FRMPD2: variants seen among roughly 807,000 people sequenced by gnomAD.
FRMPD2 encodes FERM and PDZ domain containing 2, also known as FERM and PDZ domain-containing protein 2.
A neutral mutation model predicts 140.1 loss-of-function variants in FRMPD2; 96 were observed. The observed-to-expected ratio is 0.69, with a 90% CI of 0.58 to 0.81. FRMPD2 has a LOEUF of 0.81. Ranked by LOEUF, FRMPD2 falls within the 40% of genes least tolerant of loss-of-function variation. FRMPD2 has a pLI of 0.00. For missense variants in FRMPD2, 1,240 were observed against 1,447.4 expected, an observed-to-expected ratio of 0.86 and a Z score of 2.32; for synonymous variants, 449 against 547.6, an observed-to-expected ratio of 0.82 and a Z score of 2.52.
chr10:48,232,430 T>C, intron 9 of FRMPD2, 141 bp from the exon 10 acceptor site: 2 of 651,580 alleles, frequency 3.1e-6, no homozygotes, highest in Non-Finnish European at 5.1e-6. Context: ...TTACAATTCC[T>C]ATGCAGCAGA....
Position 48,238,032 on chromosome 10 carries a change from T to C in FRMPD2, c.880A>G (p.Thr294Ala), listed in dbSNP as rs745969638. 4 of 1,614,190 alleles carry C rather than the reference T, an allele frequency of 2.5e-6. No individual in the cohort carries two copies. The Admixed American group carries it at 5.0e-5, about 20-fold the overall frequency. The change falls in exon 8 of 29, where the codon ACA becomes GCA. Residue 294 changes from threonine to alanine, a missense_variant. Physicochemically the swap from Thr to Ala is moderately conservative, Grantham distance 58. Around this residue, in one of 6 missense-constraint regions of FRMPD2, gnomAD observed 1,161 missense variants for 1,055.9 expected, o/e 1.10. Transcript: ENST00000374201. ...VHSAADSSWP[T>A]TPSQRGFLQR... ...AGAAAACCCCTCTGAGAAGGAGTTG[T>C]TGGCCATGAGCTGTCTGCTGCCGAG...
intron 12 of FRMPD2, among the ~76,000 whole-genome samples, chr10:48,219,382 G>T (rs1336522064): frequency 6.6e-6 from 1 of 152,088 alleles, no homozygotes; most frequent in South Asian, 2.1e-4. Flanking sequence ...CCAGCATGCT[G>T]GCTGGGAGGT....
chr10:48,202,959 C>A, intron 14 of FRMPD2, among the ~76,000 whole-genome samples: 1 of 152,004 alleles, frequency 6.6e-6, no homozygotes, highest in East Asian at 1.9e-4. Context: ...CACCACCATA[C>A]CCAGCTAATT....
intron 14 of FRMPD2, among the ~76,000 whole-genome samples, chr10:48,204,364 G>A (rs891859662): frequency 2.0e-5 from 3 of 152,102 alleles, no homozygotes; most frequent in African/African-American, 7.2e-5. Flanking sequence ...AAATAACTCT[G>A]TTGCAGCACT....
Position 48,236,494 on chromosome 10 carries a change from C to T in FRMPD2, c.981G>A (p.Pro327=), listed in dbSNP as rs148563650. Residue 327 remains proline (P), a synonymous_variant, in exon 9 of 29, where the codon CCG becomes CCA. Coordinates refer to ENST00000374201, the MANE Select transcript of FRMPD2 (RefSeq NM_001018071.4). ...AGEAPMTLHL[P]GSVVTKKGKS... ...GCCCAGTAGTTACCACAACCGATCC[C>T]GGCAGATGTAGTGTCATCGGGGCCT... The T allele has an allele frequency of 4.8e-5, 77 of 1,614,150 alleles. No individual in the cohort carries two copies. The African/African-American group carries it at 7.6e-4, about 16-fold the overall frequency.
At chr10:48,228,831 G>T (rs373171385) in intron 10 of FRMPD2, among the ~76,000 whole-genome samples, 2 of 152,122 alleles carry the variant, frequency 1.3e-5, no homozygotes, top group African/African-American at 4.8e-5. Flanking sequence ...TTGGAGGCTA[G>T]TTGAGGATTG....
intron 4 of FRMPD2, 132 bp downstream of exon 4, chr10:48,244,652 C>A: frequency 1.5e-6 from 1 of 678,112 alleles, no homozygotes; most frequent in South Asian, 1.7e-5. Context: ...GTTCTCAACG[C>A]CTGCCTAGGA....
At chr10:48,229,875 G>C (rs1005583205) in intron 10 of FRMPD2, among the ~76,000 whole-genome samples, 2 of 152,064 alleles carry the variant, frequency 1.3e-5, no homozygotes, top group Non-Finnish European at 2.9e-5. Context: ...CTTCAAGGAG[G>C]TTCACAGAAA....
intron 13 of FRMPD2, among the ~76,000 whole-genome samples, chr10:48,207,931 C>T (rs906222322): frequency 1.3e-5 from 2 of 152,170 alleles, no homozygotes; most frequent in Admixed American, 1.3e-4. Context: ...TGATGAAGTC[C>T]ATGCAGACAG....
At chr10:48,204,903 T>C (rs938364493) in intron 14 of FRMPD2, among the ~76,000 whole-genome samples, 6 of 152,226 alleles carry the variant, frequency 3.9e-5, no homozygotes, top group African/African-American at 1.4e-4. Flanking sequence ...AAACCACACA[T>C]GGACGCCAAC....
chr10:48,186,292 A>G (rs1396119260), intron 17 of FRMPD2, among the ~76,000 whole-genome samples: 1 of 152,184 alleles, frequency 6.6e-6, no homozygotes, highest in Non-Finnish European at 1.5e-5. Flanking sequence ...TCCCTCCCCC[A>G]GGGACCTTGG....
chr10:48,184,442 C>A, intron 20 of FRMPD2, 124 bp downstream of exon 20: 1 of 648,062 alleles, frequency 1.5e-6, no homozygotes, highest in Non-Finnish European at 2.7e-6. Context: ...CTTTGCAAGC[C>A]AACACCATGA....
intron 28 of FRMPD2, among the ~76,000 whole-genome samples, chr10:48,160,371 C>A (rs1837903533): frequency 1.3e-5 from 2 of 151,422 alleles, no homozygotes; most frequent in Non-Finnish European, 2.9e-5. Flanking sequence ...GAAGTTGCCA[C>A]CTGGCAGATG....
chr10:48,268,055 A>C (rs765671792), intron 1 of FRMPD2, among the ~76,000 whole-genome samples: 15 of 152,246 alleles, frequency 9.9e-5, no homozygotes, highest in Non-Finnish European at 2.2e-4. Context: ...CAAACAATCC[A>C]ATTAGAAAAA....
intron 10 of FRMPD2, among the ~76,000 whole-genome samples, chr10:48,227,489 C>T (rs1839750121): frequency 6.6e-6 from 1 of 152,184 alleles, no homozygotes; most frequent in African/African-American, 2.4e-5. Context: ...TTGTTTCAAC[C>T]TCCACTACCT....
chr10:48,236,766 A>G (rs999148124), intron 8 of FRMPD2, among the ~76,000 whole-genome samples: 3 of 152,232 alleles, frequency 2.0e-5, no homozygotes, highest in African/African-American at 7.2e-5. Flanking sequence ...GGGTATCAGC[A>G]ACATTCTGGC....
chr10:48,228,492 TG>T (rs1839775351), intron 10 of FRMPD2, among the ~76,000 whole-genome samples: 1 of 151,952 alleles, frequency 6.6e-6, no homozygotes, highest in Admixed American at 6.6e-5. Context: ...GTCTCCTCAT[TG>T]TAGAGGAACA....
chr10:48,199,674 C>T (rs1305364007), intron 15 of FRMPD2: 1 of 152,182 alleles, frequency 6.6e-6, no homozygotes, highest in African/African-American at 2.4e-5. Context: ...GTAATCTGGT[C>T]CTGCTATGAG....
chr10:48,193,137 A>G (rs1838876234), intron 15 of FRMPD2, among the ~76,000 whole-genome samples: 2 of 152,234 alleles, frequency 1.3e-5, no homozygotes, highest in African/African-American at 4.8e-5. Context: ...CTTGCAGCTG[A>G]CAGGACGCAG....
Sources: gnomAD v4.1 joint callset for allele counts (sites outside exome capture counted in the v4.1 genomes callset) on GRCh38, gnomAD v4.1.1 for gene constraint, gnomAD v4.1.1 regional missense constraint, MANE v1.5 for transcripts, NCBI Gene and HGNC (gene_info 2026-07-23, HGNC 2026-07-21) for gene names.